Variants in EFR3B observed in about 807,000 individuals in gnomAD.
The protein encoded by EFR3B is protein EFR3 homolog B.
EFR3B carries 64 observed loss-of-function variants against 104.7 expected under a neutral mutation model. That is an observed-to-expected ratio of 0.61 (90% confidence interval 0.50 to 0.75). The LOEUF is 0.75. Ranked by LOEUF, EFR3B falls within the 30% of genes least tolerant of loss-of-function variation. EFR3B has a pLI of 0.00. For synonymous variants in EFR3B, 385 were observed against 417.9 expected, an observed-to-expected ratio of 0.92 and a Z score of 0.96; for missense variants, 750 against 1,078.5, an observed-to-expected ratio of 0.70 and a Z score of 4.27.
Position 25,136,704 on chromosome 2 carries a change from T to C in EFR3B, c.1560+106T>C, listed in dbSNP as rs112930778. 6.9e-5 allele frequency: 65 copies of C among 939,892 alleles called. No individual in the cohort carries two copies. The African/African-American group carries it at 9.7e-4, about 14-fold the overall frequency. The allele number at this position is 939,892 out of a possible 1,614,324, so 58.2% of individuals were successfully genotyped here. A position where few individuals can be genotyped will look rare whatever the true frequency, so the allele number is the denominator to read the frequency against. On this transcript the variant is annotated intron_variant, in intron 14 of 22. Transcript: ENST00000403714. This position sits in a 1 kb window ranked among gnomAD's most constrained non-coding sequence, Gnocchi z 4.0. ...AGGCGGGCGGATAGATCACTTGAGGTGGGGAGCTCGAGACCAGCCAGACCA... is the reference window on the plus strand; with the variant it reads ...AGGCGGGCGGATAGATCACTTGAGGCGGGGAGCTCGAGACCAGCCAGACCA...
Position 25,042,393 on chromosome 2 carries a change from C to A in EFR3B, c.7+74C>A, listed in dbSNP as rs1667596990. 9 of 1,230,264 alleles carry A rather than the reference C, an allele frequency of 7.3e-6. No individual in the cohort carries two copies. Among genetic ancestry groups the A allele is most frequent in the South Asian group, 3.6e-5 (1 of 27,702 alleles). The allele number at this position is 1,230,264 out of a possible 1,614,324, so 76.2% of individuals were successfully genotyped here. A position where few individuals can be genotyped will look rare whatever the true frequency, so the allele number is the denominator to read the frequency against. Reference sequence around the variant, plus strand: ...AAACTTCCCCGGCGCGGACCATTGTCCCCCTGCACGGCCCTGGCGCGGGGC... The same window carrying A: ...AAACTTCCCCGGCGCGGACCATTGTACCCCTGCACGGCCCTGGCGCGGGGC... On this transcript the variant is annotated intron_variant, in intron 1 of 22. Coordinates refer to ENST00000403714, the MANE Select transcript of EFR3B (RefSeq NM_014971.2). This position sits in a 1 kb window ranked among gnomAD's most constrained non-coding sequence, Gnocchi z 5.4.
chr2:25,144,879 G>A (rs754269826), intron 18 of EFR3B, 81 bp from the exon 19 acceptor site: 17 of 1,237,040 alleles, frequency 1.4e-5, no homozygotes, highest in East Asian at 2.5e-5. Flanking sequence ...AAAGGCAGAG[G>A]GGTAGGGAGG....
At position 25,154,282 on chromosome 2, in the gene EFR3B, C is replaced by T. The variant is rs1452052060; in HGVS notation, c.2396C>T (p.Pro799Leu). Residue 799 changes from proline to leucine, a missense_variant, in exon 23 of 23, where the codon CCG becomes CTG. By Grantham distance (98) the Pro-to-Leu change is moderately conservative. Transcript: ENST00000403714. This position sits in a 1 kb window ranked among gnomAD's most constrained non-coding sequence, Gnocchi z 4.1. ...ACCATCACTGCAGCCTACGGTCAGC[C>T]GCAGAACCACTCCATCCCCGTCTAT... ...SGTITAAYGQ[P>L]QNHSIPVYEM... 4.9e-5 allele frequency: 76 copies of T among 1,551,874 alleles called. No homozygotes were observed. The East Asian group carries it at 5.6e-4, about 11-fold the overall frequency.
chr2:25,146,022 G>A (rs945001748), intron 19 of EFR3B: 3 of 149,850 alleles, frequency 2.0e-5, no homozygotes, highest in African/African-American at 7.4e-5. Context: ...GTCATTTCCT[G>A]CCCTAAAACC....
chr2:25,151,412 C>T (rs993017400), intron 20 of EFR3B, among the ~76,000 whole-genome samples: 4 of 152,036 alleles, frequency 2.6e-5, no homozygotes, highest in African/African-American at 4.8e-5. Context: ...TATGCCACCA[C>T]GCCTGGCTAA....
At chr2:25,051,575 C>T (rs535023248) in intron 1 of EFR3B, among the ~76,000 whole-genome samples, 1 of 151,706 alleles carries the variant, frequency 6.6e-6, no homozygotes, top group African/African-American at 2.4e-5. Context: ...TTGTTTGTTT[C>T]CCCCAGTAAA....
At chr2:25,120,610 C>T (rs6545955) in intron 4 of EFR3B, among the ~76,000 whole-genome samples, 14,933 of 152,052 alleles carry the variant, frequency 0.098, 1,744 homozygotes, top group African/African-American at 0.29. Flanking sequence ...CGCCACTGCA[C>T]TCCAGCCTGG....
rs551732734 is a variant in EFR3B, at chr2:25,055,774, G to A, written c.7+13455G>A. 4.7e-4 allele frequency among the ~76,000 whole-genome samples: 24 copies of A among 51,292 alleles called. No homozygotes were observed. The South Asian group carries it at 0.033, about 70-fold the overall frequency. The allele number at this position is 51,292 out of a possible 152,430, so 33.6% of individuals were successfully genotyped here. A position where few individuals can be genotyped will look rare whatever the true frequency, so the allele number is the denominator to read the frequency against. ...CTAGCACCTTATAGCTGCTCACAGC[G>A]TGTGCAAGGAGGGATGCTTCTAGAG... On this transcript the variant is annotated intron_variant, in intron 1 of 22. Transcript: ENST00000403714.
chr2:25,121,944 G>A (rs1189029827), intron 5 of EFR3B, 150 bp downstream of exon 5: 4 of 1,051,698 alleles, frequency 3.8e-6, no homozygotes, highest in Admixed American at 2.8e-5. Flanking sequence ...CCAGCACCCA[G>A]CTCCCTACAT....
intron 3 of EFR3B, among the ~76,000 whole-genome samples, chr2:25,100,612 C>A (rs1226164396): frequency 6.6e-6 from 1 of 152,228 alleles, no homozygotes; most frequent in South Asian, 2.1e-4. Context: ...CCTGCCTCAG[C>A]CTCCTGAGTA....
chr2:25,051,637 GT>G (rs1553383963), intron 1 of EFR3B, among the ~76,000 whole-genome samples: 28 of 136,726 alleles, frequency 2.0e-4, no homozygotes, highest in South Asian at 6.9e-4. Flanking sequence ...GTGTGTGTGT[GT>G]TTTTTTTTTT....
intron 3 of EFR3B, among the ~76,000 whole-genome samples, chr2:25,096,752 T>C (rs900922552): frequency 6.6e-6 from 1 of 152,098 alleles, no homozygotes; most frequent in African/African-American, 2.4e-5. Context: ...GGCCCCTTCC[T>C]CCTGGCAGGA....
Position 25,141,229 on chromosome 2 carries a change from A to C in EFR3B, c.1855-137A>C, listed in dbSNP as rs915611705. The C allele has an allele frequency of 2.6e-5, 22 of 847,698 alleles. 1 individual carries two copies. The South Asian group carries it at 4.4e-4, about 17-fold the overall frequency. The allele number at this position is 847,698 out of a possible 1,614,324, so 52.5% of individuals were successfully genotyped here. ...CCTGTTGATGCGAGTTTCCACTGAAAAGCTCAGCTGAGGACACTGTGCTGA... is the reference window on the plus strand; with the variant it reads ...CCTGTTGATGCGAGTTTCCACTGAACAGCTCAGCTGAGGACACTGTGCTGA... On this transcript the variant is annotated intron_variant, in intron 16 of 22. Transcript: ENST00000403714.
Position 25,154,100 on chromosome 2 carries a change from G to C in EFR3B, c.2349-135G>C. ...ATTCTAGTAGAACGTGGAATCCTGG[G>C]AACCTGTGGAATGAAGGGGTCTCTG... On this transcript the variant is annotated intron_variant, in intron 22 of 22. Coordinates refer to ENST00000403714, the MANE Select transcript of EFR3B (RefSeq NM_014971.2). This position sits in a 1 kb window ranked among gnomAD's most constrained non-coding sequence, Gnocchi z 4.1. The C allele has an allele frequency of 1.3e-6, 1 of 751,098 alleles. No individual in the cohort carries two copies. The allele number at this position is 751,098 out of a possible 1,614,324, so 46.5% of individuals were successfully genotyped here. A position where few individuals can be genotyped will look rare whatever the true frequency, so the allele number is the denominator to read the frequency against.
At chr2:25,052,826 C>CT (rs1188469784) in intron 1 of EFR3B, among the ~76,000 whole-genome samples, 2 of 152,084 alleles carry the variant, frequency 1.3e-5, no homozygotes, top group East Asian at 1.9e-4. Context: ...ATTCTAAGCA[C>CT]TTTTTTTATG....
At chr2:25,102,165 G>A (rs1201867119) in intron 3 of EFR3B, among the ~76,000 whole-genome samples, 1 of 152,172 alleles carries the variant, frequency 6.6e-6, no homozygotes. Context: ...GGGAGAGCTT[G>A]GGTATATTTA....
chr2:25,066,767 C>T (rs1668347813), intron 1 of EFR3B, among the ~76,000 whole-genome samples: 1 of 152,158 alleles, frequency 6.6e-6, no homozygotes, highest in African/African-American at 2.4e-5. Context: ...TTTTGTGTTG[C>T]ATGCTGTGTG....
chr2:25,149,799 C>T (rs1423556263), intron 20 of EFR3B, 57 bp downstream of exon 20: 43 of 1,475,642 alleles, frequency 2.9e-5, no homozygotes, highest in Non-Finnish European at 3.9e-5. Flanking sequence ...GGTCCTTGGG[C>T]CTGTTCCTGC....
At position 25,071,259 on chromosome 2, in the gene EFR3B, C is replaced by CTT. The variant is rs57922304; in HGVS notation, c.8-20050_8-20049dup. On this transcript the variant is annotated intron_variant, in intron 1 of 22. Transcript: ENST00000403714. ...ACAGGCATGAGCCACCGTGCCCGGC[C>CTT]TTTTTTTTTTTTTTTTTCTGAGACA... is the stretch of plus-strand genomic sequence containing the variant. 1.9e-3 allele frequency among the ~76,000 whole-genome samples: 227 copies of CTT among 116,976 alleles called. 2 individuals carry two copies. Among genetic ancestry groups the CTT allele is most frequent in the African/African-American group, 6.5e-3 (201 of 30,774 alleles). The allele number at this position is 116,976 out of a possible 152,430, so 76.7% of individuals were successfully genotyped here.
Sources: allele counts gnomAD v4.1 joint callset (sites outside exome capture counted in the v4.1 genomes callset), GRCh38; gene constraint gnomAD v4.1.1; non-coding constraint Gnocchi (gnomAD v3.1); transcripts MANE v1.5; gene names NCBI Gene and HGNC (gene_info 2026-07-23, HGNC 2026-07-21).